Variants in DPY19L2 observed in about 807,000 individuals in gnomAD.
DPY19L2 encodes the protein probable C-mannosyltransferase DPY19L2.
Under a neutral mutation model 97.9 loss-of-function variants are expected in DPY19L2, and 34 were observed. The observed-to-expected ratio is 0.35, with a 90% CI of 0.26 to 0.46. The LOEUF (loss-of-function observed/expected upper bound fraction) is 0.46, where lower values mean the gene tolerates loss of function less well. DPY19L2 is among the 20% of genes least tolerant of loss of function. The pLI, the probability that DPY19L2 is intolerant of heterozygous loss-of-function variation, is 1.00. For missense variants in DPY19L2, 623 were observed against 911.4 expected (o/e 0.68, Z 4.07); for synonymous variants, 230 against 307.9 (o/e 0.75, Z 2.65).
chr12:63,654,196 TATAAA>T (rs1420164305), intron 4 of DPY19L2, among the ~76,000 whole-genome samples: 7 of 152,080 alleles, frequency 4.6e-5, no homozygotes, highest in Admixed American at 3.3e-4. Flanking sequence ...TTCCTGAGTT[TATAAA>T]ATATGTGTAA....
At chr12:63,561,811 T>A (rs551278329) in intron 21 of DPY19L2, among the ~76,000 whole-genome samples, 34 of 152,056 alleles carry the variant, frequency 2.2e-4, no homozygotes, top group African/African-American at 8.2e-4. Context: ...GTGGAATTGC[T>A]GGGTTGCATG....
chr12:63,609,904 A>G (rs1055750738), intron 11 of DPY19L2, among the ~76,000 whole-genome samples: 1 of 152,154 alleles, frequency 6.6e-6, no homozygotes, highest in Non-Finnish European at 1.5e-5. Context: ...AACTTCCAAT[A>G]GGAAAATATA....
intron 21 of DPY19L2, among the ~76,000 whole-genome samples, chr12:63,567,235 A>T (rs1877903477): frequency 1.3e-5 from 2 of 152,026 alleles, no homozygotes; most frequent in South Asian, 4.1e-4. Context: ...GAGCTTCCAC[A>T]TGAGTGACAA....
chr12:63,587,773 G>A (rs1170007632), intron 16 of DPY19L2, among the ~76,000 whole-genome samples: 27 of 151,998 alleles, frequency 1.8e-4, no homozygotes, highest in Non-Finnish European at 3.1e-4. Flanking sequence ...GGGTTTCACC[G>A]TGTTGGCCAG....
chr12:63,623,484 G>T (rs1889030678), intron 8 of DPY19L2, among the ~76,000 whole-genome samples: 1 of 151,836 alleles, frequency 6.6e-6, no homozygotes, highest in Non-Finnish European at 1.5e-5. Context: ...AAAAACTTTT[G>T]AATCTTGGCA....
intron 14 of DPY19L2, among the ~76,000 whole-genome samples, chr12:63,596,942 T>C (rs1884345226): frequency 6.6e-6 from 1 of 152,030 alleles, no homozygotes; most frequent in South Asian, 2.1e-4. Flanking sequence ...CTTCCTGATC[T>C]TGTGTTCCAT....
At chr12:63,656,931 C>G (rs1895049456) in intron 4 of DPY19L2, among the ~76,000 whole-genome samples, 3 of 152,052 alleles carry the variant, frequency 2.0e-5, no homozygotes, top group African/African-American at 7.3e-5. Context: ...TATCATCTGT[C>G]TTTTCCATTT....
rs551277775 is a variant in DPY19L2, at chr12:63,663,768, C to T, written c.440G>A (p.Arg147His). 3.7e-6 allele frequency: 6 copies of T among 1,601,826 alleles called. No individual in the cohort carries two copies. The highest frequency in any genetic ancestry group is 1.8e-5 in the Admixed American group (1 of 56,836). Residue 147 changes from arginine to histidine, a missense_variant, in exon 3 of 22, where the codon CGC becomes CAC. Transcript: ENST00000324472. Reference protein sequence around the residue: ...LSSLEREMTFRTEMGLYYSYF... With the variant: ...LSSLEREMTFHTEMGLYYSYF... ...AAGAAGAAACCTAACCATTTCAGTG[C>T]GAAAAGTCATCTCCCGTTCCAAAGA...
chr12:63,603,711 T>A (rs1456189246), intron 12 of DPY19L2, among the ~76,000 whole-genome samples: 3 of 152,206 alleles, frequency 2.0e-5, no homozygotes, highest in Admixed American at 1.3e-4. Context: ...TCATTTCTTT[T>A]TATGACTGCA....
At chr12:63,578,849 G>A (rs1050193552) in intron 19 of DPY19L2, among the ~76,000 whole-genome samples, 4 of 152,006 alleles carry the variant, frequency 2.6e-5, no homozygotes, top group South Asian at 4.2e-4. Flanking sequence ...GACACTTTTC[G>A]ATGTCATGCT....
intron 19 of DPY19L2, among the ~76,000 whole-genome samples, chr12:63,572,284 A>G (rs2137297440): frequency 6.6e-6 from 1 of 152,268 alleles, no homozygotes; most frequent in Middle Eastern, 3.4e-3. Flanking sequence ...GTAGCCAGGC[A>G]CTACCTCCCA....
intron 19 of DPY19L2, among the ~76,000 whole-genome samples, chr12:63,572,996 A>G (rs1264856423): frequency 6.6e-6 from 1 of 152,052 alleles, no homozygotes; most frequent in Non-Finnish European, 1.5e-5. Context: ...ACAAGCCCAG[A>G]CTGCAAAAAC....
At chr12:63,605,856 T>C (rs1175828764) in intron 12 of DPY19L2, among the ~76,000 whole-genome samples, 1 of 152,180 alleles carries the variant, frequency 6.6e-6, no homozygotes, top group Non-Finnish European at 1.5e-5. Context: ...CATGTGACCT[T>C]TAAGACAATC....
rs1190285154 is a variant in DPY19L2, at chr12:63,641,400, T to C, written c.803+3003A>G. 2.6e-5 allele frequency among the ~76,000 whole-genome samples: 4 copies of C among 151,958 alleles called. No homozygotes were observed. The East Asian group carries it at 7.7e-4, about 29-fold the overall frequency. On this transcript the variant is annotated intron_variant, in intron 6 of 21. Coordinates refer to ENST00000324472, the MANE Select transcript of DPY19L2 (RefSeq NM_173812.5). ...GTAGTCGCCATATAATTAACTGAAA[T>C]AGAGAAATTATTATACTGAGTCTCC...
chr12:63,639,349 G>A (rs1279930488), intron 6 of DPY19L2, among the ~76,000 whole-genome samples: 2 of 152,118 alleles, frequency 1.3e-5, no homozygotes, highest in Non-Finnish European at 2.9e-5. Context: ...ATTGACAAAT[G>A]GGATCTAATT....
intron 6 of DPY19L2, among the ~76,000 whole-genome samples, chr12:63,630,464 C>G (rs1565800454): frequency 6.6e-6 from 1 of 152,056 alleles, no homozygotes; most frequent in African/African-American, 2.4e-5. Context: ...TCAAAAAAGA[C>G]AAATAAGGTA....
intron 4 of DPY19L2, 88 bp downstream of exon 4, chr12:63,661,256 T>C: frequency 2.3e-6 from 3 of 1,302,466 alleles, no homozygotes; most frequent in Non-Finnish European, 3.1e-6. Flanking sequence ...AAACGTCCCC[T>C]CCCTTTCTTA....
chr12:63,661,672 T>C (rs1417281400), intron 3 of DPY19L2, among the ~76,000 whole-genome samples, 191 bp from the exon 4 acceptor site: 1 of 152,100 alleles, frequency 6.6e-6, no homozygotes, highest in East Asian at 1.9e-4. Context: ...GTAATATTCT[T>C]TCAAATTTTC....
In DPY19L2 at chr12:63,613,916, C is replaced by T. The variant is rs535039145; in HGVS notation, c.1218+3388G>A. On this transcript the variant is annotated intron_variant, in intron 11 of 21. Transcript: ENST00000324472. Reference sequence around the variant, plus strand: ...GCAAAAAATAAAAGAGACAGCTGGGCGTGGTGGCTGACACCTGTAATCCCA... The same window carrying T: ...GCAAAAAATAAAAGAGACAGCTGGGTGTGGTGGCTGACACCTGTAATCCCA... 1.9e-3 allele frequency among the ~76,000 whole-genome samples: 295 copies of T among 152,082 alleles called. 1 individual carries two copies. The highest frequency in any genetic ancestry group is 6.6e-3 in the African/African-American group (274 of 41,490).
Sources: allele counts gnomAD v4.1 joint callset (sites outside exome capture counted in the v4.1 genomes callset), GRCh38; gene constraint gnomAD v4.1.1; transcripts MANE v1.5; gene names NCBI Gene and HGNC (gene_info 2026-07-23, HGNC 2026-07-21).